Variants in UBE2E2 observed in about 807,000 individuals in gnomAD.
UBE2E2 encodes ubiquitin-conjugating enzyme E2 E2.
A neutral mutation model predicts 24.7 loss-of-function variants in UBE2E2; 6 were observed. That is an observed-to-expected ratio of 0.24 (90% CI 0.13 to 0.48). UBE2E2 has a LOEUF of 0.48. Ranked by LOEUF, UBE2E2 falls within the 20% of genes least tolerant of loss-of-function variation. UBE2E2 has a pLI of 0.99. For synonymous variants in UBE2E2, 104 were observed against 83.6 expected, an observed-to-expected ratio of 1.24 and a Z score of -1.33; for missense variants, 169 against 245.0, an observed-to-expected ratio of 0.69 and a Z score of 2.07.
chr3:23,342,398 T>C (rs187172471), intron 3 of UBE2E2, among the ~76,000 whole-genome samples: 5 of 152,278 alleles, frequency 3.3e-5, no homozygotes, highest in East Asian at 1.9e-4. Context: ...CCTTAGCTTA[T>C]TTGATTGCAT....
At chr3:23,361,712 T>C (rs187761800) in intron 3 of UBE2E2, among the ~76,000 whole-genome samples, 2 of 152,284 alleles carry the variant, frequency 1.3e-5, no homozygotes, top group Admixed American at 6.5e-5. Flanking sequence ...TTGGGTACAG[T>C]GTACATTACT....
chr3:23,576,206 C>T (rs1031491497), intron 5 of UBE2E2, among the ~76,000 whole-genome samples: 1 of 151,962 alleles, frequency 6.6e-6, no homozygotes, highest in African/African-American at 2.4e-5. Context: ...CTAGACCAAA[C>T]CATGGAATAA....
At chr3:23,374,503 AT>A (rs1696471367) in intron 3 of UBE2E2, among the ~76,000 whole-genome samples, 2 of 152,214 alleles carry the variant, frequency 1.3e-5, no homozygotes, top group Non-Finnish European at 2.9e-5. Context: ...GACTCCAATT[AT>A]TATAGTTAAT....
intron 5 of UBE2E2, among the ~76,000 whole-genome samples, chr3:23,585,608 A>G (rs1487424956): frequency 6.6e-6 from 1 of 152,148 alleles, no homozygotes; most frequent in Non-Finnish European, 1.5e-5. Context: ...TCTTTTCAAA[A>G]GTGTAAATAA....
At chr3:23,252,652 G>T (rs770026785) in intron 3 of UBE2E2, among the ~76,000 whole-genome samples, 2 of 152,036 alleles carry the variant, frequency 1.3e-5, no homozygotes, top group Non-Finnish European at 2.9e-5. Context: ...ACGTGCCGCC[G>T]CATCCAGCTG....
chr3:23,304,497 G>C (rs1559340975), intron 3 of UBE2E2, among the ~76,000 whole-genome samples: 1 of 152,014 alleles, frequency 6.6e-6, no homozygotes, highest in Non-Finnish European at 1.5e-5. Flanking sequence ...GAAAAATCTT[G>C]AAAAGAGTGG....
intron 3 of UBE2E2, among the ~76,000 whole-genome samples, chr3:23,254,978 A>T (rs1413365140): frequency 6.6e-6 from 1 of 151,974 alleles, no homozygotes; most frequent in African/African-American, 2.4e-5. Context: ...AATGAAAAGG[A>T]TAAGCCAGTG....
Position 23,407,684 on chromosome 3 carries a change from T to TGC in UBE2E2, c.228-91923_228-91922insCG, listed in dbSNP as rs1263143954. 2.0e-5 allele frequency among the ~76,000 whole-genome samples: 3 copies of TGC among 150,880 alleles called. No homozygotes were observed. The highest frequency in any genetic ancestry group is 4.4e-5 in the Non-Finnish European group (3 of 67,674). ...GTGTGTGTGTGTGTGTGTGTGTGTG[T>TGC]GTGTGTAGTATTTCAGAGAAAATCC... On this transcript the variant is annotated intron_variant, in intron 3 of 5. Coordinates refer to ENST00000396703, the MANE Select transcript of UBE2E2 (RefSeq NM_152653.4). This position sits in a 1 kb window ranked among gnomAD's most constrained non-coding sequence, Gnocchi z 4.0.
At chr3:23,502,593 A>G (rs966653092) in intron 4 of UBE2E2, among the ~76,000 whole-genome samples, 1 of 152,118 alleles carries the variant, frequency 6.6e-6, no homozygotes, top group Non-Finnish European at 1.5e-5. Flanking sequence ...ATCAGGTTGA[A>G]CACCCTATAT....
At chr3:23,240,287 CTTAA>C (rs909689513) in intron 3 of UBE2E2, among the ~76,000 whole-genome samples, 1 of 152,072 alleles carries the variant, frequency 6.6e-6, no homozygotes, top group African/African-American at 2.4e-5. Context: ...GCTTACAGGG[CTTAA>C]TTAAGTTTTG....
At chr3:23,556,454 T>TAAAAAAAAAAAAAAA (rs5847239) in intron 5 of UBE2E2, among the ~76,000 whole-genome samples, 2 of 94,336 alleles carry the variant, frequency 2.1e-5, no homozygotes, top group African/African-American at 4.5e-5. Context: ...AAAATTTATT[T>TAAAAAAAAAAAAAAA]AAAAAAAAAA....
intron 5 of UBE2E2, among the ~76,000 whole-genome samples, chr3:23,561,309 C>T (rs1695924131): frequency 1.3e-5 from 2 of 152,194 alleles, no homozygotes; most frequent in Non-Finnish European, 2.9e-5. Flanking sequence ...GTTTTCTCAG[C>T]ACCATTTGTT....
Position 23,361,363 on chromosome 3 carries a change from A to G in UBE2E2, c.228-138245A>G, listed in dbSNP as rs549612040. ...AAGGAAAATAAGTCATTATGTGAAA[A>G]AGACAACATGCACACACATGTTTAT... On this transcript the variant is annotated intron_variant, in intron 3 of 5. Coordinates refer to ENST00000396703, the MANE Select transcript of UBE2E2 (RefSeq NM_152653.4). 2.0e-5 allele frequency among the ~76,000 whole-genome samples: 3 copies of G among 150,730 alleles called. No homozygotes were observed. In the East Asian group the frequency reaches 5.9e-4, roughly 30 times the overall value.
chr3:23,416,569 C>G (rs1460021125), intron 3 of UBE2E2, among the ~76,000 whole-genome samples: 1 of 152,106 alleles, frequency 6.6e-6, no homozygotes, highest in African/African-American at 2.4e-5. Context: ...GTGGTGTTCT[C>G]TGTATTTCTT....
intron 3 of UBE2E2, among the ~76,000 whole-genome samples, chr3:23,341,340 T>C (rs1695383668): frequency 1.3e-5 from 2 of 150,932 alleles, no homozygotes; most frequent in African/African-American, 5.0e-5. Context: ...ACTCATCTTA[T>C]CCACATTGTG....
intron 3 of UBE2E2, among the ~76,000 whole-genome samples, chr3:23,369,684 T>A (rs1696348942): frequency 6.6e-6 from 1 of 152,166 alleles, no homozygotes; most frequent in Non-Finnish European, 1.5e-5. Context: ...ATTTTCTGCT[T>A]TGAACACATT....
chr3:23,266,918 C>T (rs1346551354), intron 3 of UBE2E2, among the ~76,000 whole-genome samples: 1 of 152,186 alleles, frequency 6.6e-6, no homozygotes, highest in Non-Finnish European at 1.5e-5. Context: ...AACCATGCAA[C>T]TACATGGAAA....
intron 3 of UBE2E2, among the ~76,000 whole-genome samples, chr3:23,342,896 A>G (rs1293923818): frequency 6.6e-6 from 1 of 152,136 alleles, no homozygotes; most frequent in East Asian, 1.9e-4. Context: ...TCTTAAAGTT[A>G]AAAGAATTGT....
At chr3:23,394,094 G>T (rs986171667) in intron 3 of UBE2E2, among the ~76,000 whole-genome samples, 3 of 152,226 alleles carry the variant, frequency 2.0e-5, no homozygotes, top group Non-Finnish European at 4.4e-5. Flanking sequence ...GATGGACTGT[G>T]TGCATAATGG....
Sources: allele counts gnomAD v4.1 joint callset (sites outside exome capture counted in the v4.1 genomes callset), GRCh38; gene constraint gnomAD v4.1.1; non-coding constraint Gnocchi (gnomAD v3.1); transcripts MANE v1.5; gene names NCBI Gene and HGNC (gene_info 2026-07-23, HGNC 2026-07-21).